SNAPC3: variants seen among roughly 807,000 people sequenced by gnomAD.
SNAPC3 encodes the protein small nuclear RNA activating complex polypeptide 3, also known as snRNA-activating protein complex subunit 3.
SNAPC3 carries 56 observed loss-of-function variants against 47.7 expected under a neutral mutation model. The observed-to-expected ratio is 1.18, with a 90% confidence interval of 0.95 to 1.47. The LOEUF (loss-of-function observed/expected upper bound fraction) is 1.47, where lower values mean the gene tolerates loss of function less well. Ranked by LOEUF, SNAPC3 falls within the 40% of genes most tolerant of loss-of-function variation. The pLI is 0.00. For synonymous variants in SNAPC3, 235 were observed against 189.9 expected, an observed-to-expected ratio of 1.24 and a Z score of -1.95; for missense variants, 665 against 511.3, an observed-to-expected ratio of 1.30 and a Z score of -2.90.
chr9:15,423,745 A>G (rs1046102472), intron 1 of SNAPC3, among the ~76,000 whole-genome samples, 164 bp from the exon 2 acceptor site: 16 of 152,374 alleles, frequency 1.1e-4, no homozygotes, highest in African/African-American at 3.6e-4. Flanking sequence ...TCATTATAAA[A>G]TATAATCACA....
downstream of SNAPC3, chr9:15,463,265 C>G (rs1212621541): frequency 2.4e-5 from 3 of 126,582 alleles, no homozygotes; most frequent in African/African-American, 8.9e-5. Flanking sequence ...TGCTCTGTCT[C>G]CCAGGCTGGA....
In SNAPC3 at chr9:15,435,302, A is replaced by G. The variant is rs1426653598; in HGVS notation, c.477+1666A>G. 2.0e-5 allele frequency among the ~76,000 whole-genome samples: 3 copies of G among 152,116 alleles called. No individual in the cohort carries two copies. The East Asian group carries it at 5.8e-4, about 29-fold the overall frequency. On this transcript the variant is annotated intron_variant, in intron 3 of 8. Coordinates refer to ENST00000380821, the MANE Select transcript of SNAPC3 (RefSeq NM_001039697.2). ...TATAAAGAGTTCTTGGCCGGGTGCC[A>G]TGGCTAACGCTTGTAATCCCAGCAC...
At chr9:15,449,961 T>G (rs967526968) in intron 5 of SNAPC3, among the ~76,000 whole-genome samples, 1 of 152,164 alleles carries the variant, frequency 6.6e-6, no homozygotes, top group African/African-American at 2.4e-5. Flanking sequence ...GTAAGTTGCT[T>G]AAATCACCTA....
intron 4 of SNAPC3, among the ~76,000 whole-genome samples, chr9:15,446,888 G>A (rs1312270562): frequency 6.6e-6 from 1 of 152,170 alleles, no homozygotes; most frequent in African/African-American, 2.4e-5. Context: ...TGGTTTCAGA[G>A]TGGCTCTGGA....
downstream of SNAPC3, chr9:15,464,807 GCAAAGAAGTCCTAAGA>G (rs1241963088): frequency 1.9e-5 from 4 of 207,242 alleles, no homozygotes; most frequent in Non-Finnish European, 3.0e-5. Context: ...TCAGTTGTCT[GCAAAGAAGTCCTAAGA>G]CTTCACTGAA....
At chr9:15,464,195 T>C (rs2035452750), downstream of SNAPC3, 2 of 189,876 alleles carry the variant, frequency 1.1e-5, no homozygotes, top group Non-Finnish European at 2.2e-5. Context: ...GCAGGTTCTC[T>C]CAAAACGGTG....
At chr9:15,436,096 G>C (rs552017808) in intron 3 of SNAPC3, among the ~76,000 whole-genome samples, 5 of 152,128 alleles carry the variant, frequency 3.3e-5, no homozygotes, top group East Asian at 1.9e-4. Context: ...CATGCGCCTC[G>C]GTCTCCCAAA....
At chr9:15,428,926 A>G in intron 2 of SNAPC3, among the ~76,000 whole-genome samples, 1 of 152,212 alleles carries the variant, frequency 6.6e-6, no homozygotes, top group Non-Finnish European at 1.5e-5. Context: ...AATGGAACAT[A>G]ATTCATGTTT....
At chr9:15,442,446 T>C (rs1300998099) in intron 3 of SNAPC3, among the ~76,000 whole-genome samples, 4 of 143,450 alleles carry the variant, frequency 2.8e-5, no homozygotes, top group Admixed American at 6.8e-5. Context: ...GCCTCCTCAC[T>C]TCTCAGACGG....
intron 3 of SNAPC3, among the ~76,000 whole-genome samples, chr9:15,437,205 T>C (rs2131820826): frequency 6.6e-6 from 1 of 152,260 alleles, no homozygotes; most frequent in South Asian, 2.1e-4. Flanking sequence ...TTTTATTCTT[T>C]TGAATGCTAT....
At chr9:15,450,522 G>A (rs117163882) in intron 5 of SNAPC3, among the ~76,000 whole-genome samples, 2,129 of 152,300 alleles carry the variant, frequency 0.014, 27 homozygotes, top group Non-Finnish European at 0.021. Flanking sequence ...TCTGAGAAGT[G>A]ATTGCTACAT....
chr9:15,423,818 A>G (rs2030940272), intron 1 of SNAPC3, 91 bp from the exon 2 acceptor site: 1 of 642,084 alleles, frequency 1.6e-6, no homozygotes, highest in Non-Finnish European at 2.6e-6. Context: ...TGACTTCGTA[A>G]TTCAGTAATG....
At chr9:15,455,556 G>C (rs949596849) in intron 7 of SNAPC3, among the ~76,000 whole-genome samples, 8 of 151,852 alleles carry the variant, frequency 5.3e-5, no homozygotes, top group African/African-American at 1.7e-4. Flanking sequence ...GACAGAGCAA[G>C]ACTGTATCAA....
At chr9:15,446,121 T>C (rs1461503660) in intron 4 of SNAPC3, among the ~76,000 whole-genome samples, 1 of 152,242 alleles carries the variant, frequency 6.6e-6, no homozygotes, top group East Asian at 1.9e-4. Flanking sequence ...TGGATCTTAA[T>C]GCTCATGTCA....
intron 7 of SNAPC3, among the ~76,000 whole-genome samples, chr9:15,454,477 G>C (rs553763659): frequency 2.0e-5 from 3 of 152,204 alleles, no homozygotes; most frequent in Non-Finnish European, 4.4e-5. Flanking sequence ...TGAAATCCCA[G>C]TGTGAGAGCT....
downstream of SNAPC3, chr9:15,463,810 A>G (rs1035897758): frequency 6.6e-6 from 1 of 152,260 alleles, no homozygotes; most frequent in Non-Finnish European, 1.5e-5. Flanking sequence ...ATGATGCTCT[A>G]TCTCTAGAAT....
chr9:15,445,233 G>A (rs573340564), intron 4 of SNAPC3, among the ~76,000 whole-genome samples: 1 of 152,286 alleles, frequency 6.6e-6, no homozygotes, highest in South Asian at 2.1e-4. Flanking sequence ...AGGATTACAG[G>A]TATAGTATTG....
At position 15,447,149 on chromosome 9, in the gene SNAPC3, A is replaced by C; in HGVS notation, c.637A>C (p.Thr213Pro). Residue 213 changes from threonine (T) to proline (P), a missense_variant, in exon 5 of 9, where the codon ACA becomes CCA. Physicochemically the swap from Thr to Pro is conservative, Grantham distance 38. Coordinates refer to ENST00000380821, the MANE Select transcript of SNAPC3 (RefSeq NM_001039697.2). The part of the protein sequence containing the change: ...TMLVLGSQKL[T>P]QLRDSIRCVS... ...GCTGGTGTTGGGCAGTCAAAAACTC[A>C]CACAACTGAGGGATTCAATTCGATG... is the stretch of plus-strand genomic sequence containing the variant. 1 of 1,614,008 alleles carries C rather than the reference A, an allele frequency of 6.2e-7. No individual in the cohort carries two copies. Among genetic ancestry groups the C allele is most frequent in the Non-Finnish European group, 8.5e-7 (1 of 1,179,864 alleles).
chr9:15,449,970 TA>T (rs1485775221), intron 5 of SNAPC3, among the ~76,000 whole-genome samples: 7 of 152,206 alleles, frequency 4.6e-5, no homozygotes, highest in African/African-American at 1.7e-4. Context: ...TTAAATCACC[TA>T]AGATGAAGTT....
Sources: allele counts gnomAD v4.1 joint callset (sites outside exome capture counted in the v4.1 genomes callset), GRCh38; gene constraint gnomAD v4.1.1; transcripts MANE v1.5; gene names NCBI Gene and HGNC (gene_info 2026-07-23, HGNC 2026-07-21).